The following ITPR2 variants were observed in gnomAD, a reference collection of about 807,000 sequenced individuals.
The protein encoded by ITPR2 is inositol 1,4,5-trisphosphate-gated calcium channel ITPR2.
ITPR2 carries 207 observed loss-of-function variants against 317.1 expected under a neutral mutation model. The observed-to-expected ratio is 0.65, with a 90% CI of 0.58 to 0.73. The LOEUF is 0.73. Ranked by LOEUF, ITPR2 falls within the 30% of genes least tolerant of loss-of-function variation. The pLI, the probability that ITPR2 is intolerant of heterozygous loss-of-function variation, is 0.00. For missense variants in ITPR2, 2,613 were observed against 3,284.0 expected (o/e 0.80, Z 4.99); for synonymous variants, 1,156 against 1,149.1 (o/e 1.01, Z -0.12).
intron 37 of ITPR2, among the ~76,000 whole-genome samples, chr12:26,514,813 G>T (rs1213097684): frequency 6.6e-6 from 1 of 152,120 alleles, no homozygotes; most frequent in Non-Finnish European, 1.5e-5. Flanking sequence ...ATGAAGAGCT[G>T]ACTATAAAAT....
chr12:26,438,709 A>G (rs947084992), intron 47 of ITPR2, among the ~76,000 whole-genome samples: 1 of 152,178 alleles, frequency 6.6e-6, no homozygotes, highest in African/African-American at 2.4e-5. Context: ...ACTCTCAGCA[A>G]AACACGAAAC....
chr12:26,816,836 A>G (rs4964018), intron 1 of ITPR2, among the ~76,000 whole-genome samples: 15,867 of 152,072 alleles, frequency 0.1, 1,096 homozygotes, highest in Non-Finnish European at 0.15. Context: ...TGCAGGTAAG[A>G]TGGGAAATTG....
chr12:26,805,873 C>G (rs563588299), intron 1 of ITPR2, among the ~76,000 whole-genome samples: 1 of 151,892 alleles, frequency 6.6e-6, no homozygotes, highest in Non-Finnish European at 1.5e-5. Flanking sequence ...CCTCCCAAGT[C>G]ATAGGAAACA....
rs774721728 is a variant in ITPR2 at position 26,561,835 on chromosome 12, C to A, written c.4748G>T (p.Arg1583Leu). 2.5e-6 allele frequency: 4 copies of A among 1,597,002 alleles called. No individual in the cohort carries two copies. Among genetic ancestry groups the A allele is most frequent in the Non-Finnish European group, 3.4e-6 (4 of 1,175,820 alleles). ...RAAMGWRLSA[R>L]SGPRFKEALG... Reference sequence around the variant, plus strand: ...AGCTTCCTTAAAGCGTGGCCCAGAGCGAGCTGATAGTCTCCAACCCATTGC... The same window carrying A: ...AGCTTCCTTAAAGCGTGGCCCAGAGAGAGCTGATAGTCTCCAACCCATTGC... Residue 1583 changes from arginine to leucine, a missense_variant, in exon 35 of 57, where the codon CGC becomes CTC. Coordinates refer to ENST00000381340, the MANE Select transcript of ITPR2 (RefSeq NM_002223.4).
chr12:26,649,796 GATA>G (rs1292931446), intron 21 of ITPR2, among the ~76,000 whole-genome samples: 13 of 149,422 alleles, frequency 8.7e-5, no homozygotes, highest in African/African-American at 3.0e-4. Context: ...TAGATAGATA[GATA>G]GATAGATAGA....
At chr12:26,702,946 T>C (rs1948477531) in intron 9 of ITPR2, among the ~76,000 whole-genome samples, 1 of 152,234 alleles carries the variant, frequency 6.6e-6, no homozygotes, top group South Asian at 2.1e-4. Context: ...ATATGTGTTT[T>C]CTCTATGTGA....
intron 23 of ITPR2, among the ~76,000 whole-genome samples, chr12:26,626,682 G>A (rs772224093): frequency 2.0e-5 from 3 of 152,342 alleles, no homozygotes; most frequent in East Asian, 1.9e-4. Context: ...CTTCTGCAGC[G>A]GCATGCTGCC....
At chr12:26,675,403 T>G (rs1342976438) in intron 13 of ITPR2, among the ~76,000 whole-genome samples, 21 of 152,210 alleles carry the variant, frequency 1.4e-4, no homozygotes, top group African/African-American at 5.1e-4. Flanking sequence ...TGTAGGGACA[T>G]GGATGAAATT....
At chr12:26,586,532 A>G (rs1945533804) in intron 32 of ITPR2, among the ~76,000 whole-genome samples, 1 of 152,222 alleles carries the variant, frequency 6.6e-6, no homozygotes, top group African/African-American at 2.4e-5. Flanking sequence ...GCTTTCATCT[A>G]AAGACAGATA....
intron 1 of ITPR2, among the ~76,000 whole-genome samples, chr12:26,821,731 T>A (rs1950941728): frequency 6.6e-6 from 1 of 152,262 alleles, no homozygotes; most frequent in Non-Finnish European, 1.5e-5. Context: ...TCTTTAGAGC[T>A]TTTGAGATCA....
At position 26,416,202 on chromosome 12, in the gene ITPR2, T is replaced by C. The variant is rs11048505; in HGVS notation, c.7111-704A>G. On this transcript the variant is annotated intron_variant, in intron 50 of 56. Transcript: ENST00000381340. ...TTTTCTCTAATAGGTTACTACCTATTTTGTCTTCAGTAGTAGAAAATCTAT... is the reference window on the plus strand; with the variant it reads ...TTTTCTCTAATAGGTTACTACCTATCTTGTCTTCAGTAGTAGAAAATCTAT... 0.014 allele frequency among the ~76,000 whole-genome samples: 2,062 copies of C among 152,268 alleles called. 109 individuals carry two copies. In the East Asian group the frequency reaches 0.17, roughly 12 times the overall value.
Position 26,341,234 on chromosome 12 carries a change from T to C in ITPR2, c.7858-906A>G, listed in dbSNP as rs1938103581. 3.9e-5 allele frequency among the ~76,000 whole-genome samples: 6 copies of C among 152,346 alleles called. No individual in the cohort carries two copies. The South Asian group carries it at 1.2e-3, about 32-fold the overall frequency. ...AATGGCAAAGCTGGGATTTGAAGCC[T>C]CTGCAGCATTGATGGGGTGTGCCAG... On this transcript the variant is annotated intron_variant, in intron 55 of 56. Coordinates refer to ENST00000381340, the MANE Select transcript of ITPR2 (RefSeq NM_002223.4).
chr12:26,802,279 A>G (rs1177021096), intron 1 of ITPR2, among the ~76,000 whole-genome samples: 1 of 152,158 alleles, frequency 6.6e-6, no homozygotes, highest in Non-Finnish European at 1.5e-5. Context: ...AGCCTGGGCA[A>G]CAGAACAAGA....
intron 5 of ITPR2, among the ~76,000 whole-genome samples, chr12:26,721,813 C>T (rs1022508294): frequency 4.6e-5 from 7 of 152,128 alleles, no homozygotes; most frequent in Non-Finnish European, 1.0e-4. Flanking sequence ...CAAGGTCTTG[C>T]TATGTTGCCC....
intron 35 of ITPR2, among the ~76,000 whole-genome samples, chr12:26,559,892 T>A (rs1479249493): frequency 6.6e-6 from 1 of 152,202 alleles, no homozygotes; most frequent in Non-Finnish European, 1.5e-5. Context: ...ACTTCACAAT[T>A]ACAGGGCCAC....
In ITPR2 at chr12:26,556,386, A is replaced by C; in HGVS notation, c.4822-11T>G. The C allele has an allele frequency of 6.2e-7, 1 of 1,607,068 alleles. No homozygotes were observed. On this transcript the variant is annotated splice_polypyrimidine_tract_variant and intron_variant, in intron 35 of 56. Transcript: ENST00000381340. ...GGAGGCCACTACATCCTAGGGAATG[A>C]AACACAAGAGAACCCACATGAAGGC...
intron 52 of ITPR2, among the ~76,000 whole-genome samples, chr12:26,406,891 T>C (rs779247618): frequency 1.6e-4 from 25 of 152,180 alleles, no homozygotes; most frequent in Non-Finnish European, 3.1e-4. Context: ...AAAAAGTGTA[T>C]GGAAGAAACA....
intron 37 of ITPR2, among the ~76,000 whole-genome samples, chr12:26,539,381 C>A (rs1052806260): frequency 9.8e-5 from 15 of 152,290 alleles, no homozygotes; most frequent in African/African-American, 3.4e-4. Context: ...CCATAAGTCC[C>A]AAATGCTGCC....
chr12:26,668,008 T>G (rs1947666065), intron 13 of ITPR2, among the ~76,000 whole-genome samples: 1 of 152,242 alleles, frequency 6.6e-6, no homozygotes, highest in Admixed American at 6.5e-5. Context: ...CCTCTGAAAC[T>G]GCTGAAACCT....
Sources: allele counts gnomAD v4.1 joint callset (sites outside exome capture counted in the v4.1 genomes callset), GRCh38; gene constraint gnomAD v4.1.1; transcripts MANE v1.5; gene names NCBI Gene and HGNC (gene_info 2026-07-23, HGNC 2026-07-21).